The following SVEP1 variants were observed in gnomAD, a reference collection of about 807,000 sequenced individuals.
SVEP1 encodes the protein sushi, von Willebrand factor type A, EGF and pentraxin domain containing 1, also known as sushi, von Willebrand factor type A, EGF and pentraxin domain-containing protein 1.
In SVEP1, 164 loss-of-function variants were observed where a neutral mutation model predicts 367.3. The observed-to-expected ratio is 0.45, with a 90% confidence interval of 0.39 to 0.51. The LOEUF is 0.51. Among genes scored for constraint, SVEP1 ranks in the 20% least tolerant of loss-of-function variants. The probability of loss-of-function intolerance (pLI) is 0.00; values close to 1 mark genes in which losing one functional copy is unlikely to be tolerated. For synonymous variants in SVEP1, 1,666 were observed against 1,611.6 expected (o/e 1.03, Z -0.81); for missense variants, 4,117 against 4,425.3 (o/e 0.93, Z 1.98).
intron 1 of SVEP1, among the ~76,000 whole-genome samples, chr9:110,554,321 T>A (rs956391624): frequency 6.6e-6 from 1 of 152,214 alleles, no homozygotes; most frequent in African/African-American, 2.4e-5. Flanking sequence ...TCTCATCATT[T>A]GATCCAGTAA....
chr9:110,403,878 G>A (rs1827911212), intron 39 of SVEP1, among the ~76,000 whole-genome samples: 1 of 146,028 alleles, frequency 6.8e-6, no homozygotes, highest in African/African-American at 2.5e-5. Context: ...TTACAAATAA[G>A]GAAACCAAAG....
At chr9:110,391,786 G>A (rs540841285) in intron 40 of SVEP1, among the ~76,000 whole-genome samples, 3 of 152,180 alleles carry the variant, frequency 2.0e-5, no homozygotes, top group South Asian at 4.1e-4. Flanking sequence ...ACTGCTTCTG[G>A]ATGTGTCTGT....
intron 43 of SVEP1, among the ~76,000 whole-genome samples, chr9:110,380,250 T>G (rs1827413992): frequency 6.6e-6 from 1 of 152,144 alleles, no homozygotes; most frequent in South Asian, 2.1e-4. Flanking sequence ...TAATTAGAAT[T>G]ATTCTGTGGT....
Position 110,479,736 on chromosome 9 carries a change from C to T in SVEP1, c.2386G>A (p.Gly796Arg). 6.2e-7 allele frequency: 1 copy of T among 1,604,282 alleles called. No individual in the cohort carries two copies. Among genetic ancestry groups the T allele is most frequent in the Non-Finnish European group, 8.5e-7 (1 of 1,176,970 alleles). ...DCAKKRFANHGFKSFEMFYKA... is the reference protein window; with the variant it reads ...DCAKKRFANHRFKSFEMFYKA... ...TAGAACATCTCAAAGGACTTGAACC[C>T]GTGGTTTGCAAAACGTTTTTCTAGA... Residue 796 changes from glycine to arginine, a missense_variant, in exon 13 of 48, where the codon GGG (glycine) becomes AGG (arginine). This residue lies in a region of SVEP1 where 2,174 missense variants were observed against 2,494.3 expected (regional missense o/e 0.87). Coordinates refer to ENST00000374469, the MANE Select transcript of SVEP1 (RefSeq NM_153366.4).
At chr9:110,560,614 C>T (rs532736093) in intron 1 of SVEP1, among the ~76,000 whole-genome samples, 39 of 152,266 alleles carry the variant, frequency 2.6e-4, no homozygotes, top group African/African-American at 8.9e-4. Context: ...ACACCTCTGT[C>T]TGAATGCACC....
At chr9:110,573,552 A>G (rs914101877) in intron 1 of SVEP1, among the ~76,000 whole-genome samples, 1 of 151,100 alleles carries the variant, frequency 6.6e-6, no homozygotes, top group African/African-American at 2.4e-5. Context: ...ATTCAGGAAC[A>G]ATGAGGAAAG....
chr9:110,369,127 GATA>G (rs2118933728), intron 47 of SVEP1, among the ~76,000 whole-genome samples: 2 of 152,210 alleles, frequency 1.3e-5, no homozygotes, highest in African/African-American at 4.8e-5. Context: ...AAATATAGCT[GATA>G]ATATTTCAAC....
At chr9:110,399,751 C>A (rs1330471886) in intron 40 of SVEP1, among the ~76,000 whole-genome samples, 1 of 152,102 alleles carries the variant, frequency 6.6e-6, no homozygotes, top group African/African-American at 2.4e-5. Flanking sequence ...CCAGCCTGGT[C>A]TTGAACTCCT....
In SVEP1 at chr9:110,408,916, C is replaced by T. The variant is rs1313985459; in HGVS notation, c.6684G>A (p.Arg2228=). 3.1e-6 allele frequency: 5 copies of T among 1,599,782 alleles called. No homozygotes were observed. In the South Asian group the frequency reaches 3.4e-5, roughly 11 times the overall value. ...TTGRIFESEV[R]YQCNPGYKSV... is the part of the protein sequence containing the mutation. Reference sequence around the variant, plus strand: ...ACTTATAGCCCGGGTTACACTGATACCTCACTTCACTCTCAAAGATCCTGC... The same window carrying T: ...ACTTATAGCCCGGGTTACACTGATATCTCACTTCACTCTCAAAGATCCTGC... Residue 2228 remains arginine, a synonymous_variant, in exon 38 of 48, where the codon AGG becomes AGA. Coordinates refer to ENST00000374469, the MANE Select transcript of SVEP1 (RefSeq NM_153366.4).
intron 8 of SVEP1, among the ~76,000 whole-genome samples, chr9:110,490,882 T>C (rs1289048741): frequency 3.9e-5 from 6 of 152,026 alleles, no homozygotes; most frequent in South Asian, 4.1e-4. Context: ...TTGAATTGTA[T>C]GTTTATTTTC....
intron 23 of SVEP1, among the ~76,000 whole-genome samples, chr9:110,451,081 C>T (rs989197448): frequency 6.6e-6 from 1 of 152,074 alleles, no homozygotes; most frequent in Non-Finnish European, 1.5e-5. Flanking sequence ...TTTGCTGAAC[C>T]ATTTGAGAGT....
chr9:110,399,246 T>C (rs1054971016), intron 40 of SVEP1, among the ~76,000 whole-genome samples: 2 of 148,816 alleles, frequency 1.3e-5, no homozygotes, highest in African/African-American at 5.0e-5. Flanking sequence ...ATCCCAAGGA[T>C]AAAAAACCAA....
intron 5 of SVEP1, among the ~76,000 whole-genome samples, chr9:110,503,470 A>G (rs1719535049): frequency 6.6e-6 from 1 of 152,194 alleles, no homozygotes; most frequent in African/African-American, 2.4e-5. Context: ...AACCTGTCTA[A>G]GAGGCCTGGC....
chr9:110,577,085 T>A (rs1157429696), intron 1 of SVEP1, among the ~76,000 whole-genome samples: 1 of 152,072 alleles, frequency 6.6e-6, no homozygotes, highest in African/African-American at 2.4e-5. Context: ...CCAAGTTAAT[T>A]CAATATTTTC....
intron 18 of SVEP1, among the ~76,000 whole-genome samples, chr9:110,460,747 C>T (rs571193639): frequency 1.3e-4 from 19 of 150,706 alleles, no homozygotes; most frequent in Non-Finnish European, 1.9e-4. Flanking sequence ...AGTGAGACTC[C>T]GTCTCAAAAG....
chr9:110,453,123 T>C (rs1828717212), intron 22 of SVEP1, among the ~76,000 whole-genome samples: 1 of 152,138 alleles, frequency 6.6e-6, no homozygotes. Flanking sequence ...TCCTTTGAAA[T>C]GTTATCAGGA....
At chr9:110,445,085 T>C (rs1034612397) in intron 26 of SVEP1, among the ~76,000 whole-genome samples, 2 of 152,210 alleles carry the variant, frequency 1.3e-5, no homozygotes, top group Non-Finnish European at 2.9e-5. Context: ...CACCACAGAA[T>C]CTAACCACAC....
At chr9:110,431,065 A>G (rs1389506693) in intron 32 of SVEP1, among the ~76,000 whole-genome samples, 3 of 152,256 alleles carry the variant, frequency 2.0e-5, no homozygotes, top group Non-Finnish European at 4.4e-5. Flanking sequence ...TTTGAGCTAT[A>G]TAAGTCAAGG....
In SVEP1 at chr9:110,411,488, T is replaced by C. The variant is rs371598910; in HGVS notation, c.6223A>G (p.Met2075Val). ...GKWVPPEGQD[M>V]PRCIAHFCEK... ...CAGAAATGAGCTATACAACGGGGCATGTCTTGACCTTCTGGGGGTACCCAC... is the reference window on the plus strand; with the variant it reads ...CAGAAATGAGCTATACAACGGGGCACGTCTTGACCTTCTGGGGGTACCCAC... Residue 2075 changes from methionine (M) to valine (V), a missense_variant, in exon 37 of 48, where the codon ATG (methionine) becomes GTG (valine). By Grantham distance (21) the Met-to-Val change is conservative. Around this residue, in one of 4 missense-constraint regions of SVEP1, gnomAD observed 2,174 missense variants for 2,494.3 expected, o/e 0.87. Transcript: ENST00000374469. 8.7e-6 allele frequency: 14 copies of C among 1,613,940 alleles called. No individual in the cohort carries two copies. Among genetic ancestry groups the C allele is most frequent in the Non-Finnish European group, 1.1e-5 (13 of 1,179,912 alleles).
Sources: gnomAD v4.1 joint callset for allele counts (sites outside exome capture counted in the v4.1 genomes callset) on GRCh38, gnomAD v4.1.1 for gene constraint, gnomAD v4.1.1 regional missense constraint, MANE v1.5 for transcripts, NCBI Gene and HGNC (gene_info 2026-07-23, HGNC 2026-07-21) for gene names.